Variants in AVEN observed in about 807,000 individuals in gnomAD.
AVEN encodes the protein apoptosis and caspase activation inhibitor, also known as cell death regulator Aven.
In AVEN, 41 loss-of-function variants were observed where a neutral mutation model predicts 38.1. The ratio of observed to expected loss-of-function variants is 1.08; its 90% confidence interval spans 0.84 to 1.40. The LOEUF (loss-of-function observed/expected upper bound fraction) is 1.40, where lower values mean the gene tolerates loss of function less well. Ranked by LOEUF, AVEN falls within the 40% of genes most tolerant of loss-of-function variation. AVEN has a pLI of 0.00. For synonymous variants in AVEN, 206 were observed against 171.8 expected (o/e 1.20, Z -1.56); for missense variants, 605 against 438.8 (o/e 1.38, Z -3.38).
intron 4 of AVEN, among the ~76,000 whole-genome samples, chr15:33,870,391 G>C (rs374290662): frequency 6.6e-6 from 1 of 152,100 alleles, no homozygotes; most frequent in East Asian, 1.9e-4. Flanking sequence ...GGTCTTTCTC[G>C]TTTAAATGCC....
At position 33,896,377 on chromosome 15, in the gene AVEN, C is replaced by G. The variant is rs111780829; in HGVS notation, c.446-20382G>C. On this transcript the variant is annotated intron_variant, in intron 2 of 5. Transcript: ENST00000306730. Reference sequence around the variant, plus strand: ...AATACAATCTGGCACCCATCGAATTCTCCAGGCGTCAGTTCTCTCCCTTAC... The same window carrying G: ...AATACAATCTGGCACCCATCGAATTGTCCAGGCGTCAGTTCTCTCCCTTAC... Among the ~76,000 whole-genome samples the G allele has an allele frequency of 3.0e-3, 463 of 152,300 alleles. 5 individuals are homozygous for G. The highest frequency in any genetic ancestry group is 0.011 in the African/African-American group (446 of 41,552).
chr15:33,864,083 C>A (rs11072759), downstream of AVEN: 9 of 1,332,526 alleles, frequency 6.8e-6, no homozygotes, highest in African/African-American at 4.5e-5. Context: ...TTAATCCATG[C>A]GAATGAACTT....
downstream of AVEN, chr15:33,855,031 C>G: frequency 1.9e-6 from 2 of 1,041,644 alleles, no homozygotes; most frequent in Non-Finnish European, 2.6e-6. Flanking sequence ...ATGTACTTTT[C>G]TTGGCCAAAC....
At chr15:33,963,249 A>G (rs1006822771) in intron 2 of AVEN, among the ~76,000 whole-genome samples, 1 of 152,216 alleles carries the variant, frequency 6.6e-6, no homozygotes, top group African/African-American at 2.4e-5. Flanking sequence ...TGCATGGGTT[A>G]ATCAGAATAT....
chr15:33,958,306 A>C (rs989146820), intron 2 of AVEN, among the ~76,000 whole-genome samples: 4 of 152,186 alleles, frequency 2.6e-5, no homozygotes, highest in African/African-American at 9.7e-5. Flanking sequence ...CTCGCCATGC[A>C]CTGTGGCTCA....
chr15:34,045,973 T>C (rs1899667068), intron 5 of AVEN, among the ~76,000 whole-genome samples: 1 of 152,178 alleles, frequency 6.6e-6, no homozygotes, highest in African/African-American at 2.4e-5. Context: ...TACTGCTCTC[T>C]CTTAATGCTG....
chr15:33,915,813 C>T (rs1200948889), intron 2 of AVEN, among the ~76,000 whole-genome samples: 4 of 152,094 alleles, frequency 2.6e-5, no homozygotes, highest in Admixed American at 6.5e-5. Flanking sequence ...TGCTCACCCG[C>T]GGCCTGGAAA....
chr15:33,875,436 G>A (rs1891178375), intron 3 of AVEN, among the ~76,000 whole-genome samples: 2 of 152,066 alleles, frequency 1.3e-5, no homozygotes, highest in Non-Finnish European at 2.9e-5. Flanking sequence ...AGGCATTTGG[G>A]GTTGAGAGAC....
At chr15:33,957,802 T>C (rs1047037499) in intron 2 of AVEN, among the ~76,000 whole-genome samples, 1 of 151,562 alleles carries the variant, frequency 6.6e-6, no homozygotes. Context: ...CTAATCACAG[T>C]GCTAGAAATC....
At chr15:34,010,084 TAA>T (rs1897571499) in intron 1 of AVEN, among the ~76,000 whole-genome samples, 1 of 152,082 alleles carries the variant, frequency 6.6e-6, no homozygotes, top group Admixed American at 6.5e-5. Flanking sequence ...AGTTTAACAA[TAA>T]TAGTTAGAAA....
exon 1 of AVEN, among the ~76,000 whole-genome samples, chr15:34,074,734 G>T (rs627167): frequency 0.6 from 91,451 of 151,982 alleles, 28,751 homozygotes; most frequent in East Asian, 0.77. Context: ...TATTTCCAAA[G>T]ACAGTCACAT....
intron 2 of AVEN, among the ~76,000 whole-genome samples, chr15:34,001,233 G>A (rs1897126988): frequency 6.6e-6 from 1 of 151,800 alleles, no homozygotes; most frequent in African/African-American, 2.4e-5. Flanking sequence ...TGTTGGCCAG[G>A]ATGGTCTCGA....
At chr15:33,923,813 C>A (rs758877698) in intron 2 of AVEN, among the ~76,000 whole-genome samples, 1 of 151,786 alleles carries the variant, frequency 6.6e-6, no homozygotes, top group South Asian at 2.1e-4. Flanking sequence ...CCCATTCTCA[C>A]AAGAGCACAA....
intron 1 of AVEN, among the ~76,000 whole-genome samples, chr15:34,071,949 T>A (rs142736042): frequency 0.018 from 2,667 of 152,260 alleles, 78 homozygotes; most frequent in African/African-American, 0.061. Context: ...CTATATGTAA[T>A]AATATAGTCA....
intron 2 of AVEN, among the ~76,000 whole-genome samples, chr15:33,889,909 T>C (rs1232685479): frequency 6.6e-6 from 1 of 152,182 alleles, no homozygotes; most frequent in Non-Finnish European, 1.5e-5. Flanking sequence ...CTGAAAATGA[T>C]GTGCAAACAA....
At chr15:34,022,770 C>A (rs1339284844) in intron 1 of AVEN, among the ~76,000 whole-genome samples, 1 of 152,240 alleles carries the variant, frequency 6.6e-6, no homozygotes, top group Non-Finnish European at 1.5e-5. Flanking sequence ...CACACACACA[C>A]TCTCCAGCTT....
intron 2 of AVEN, among the ~76,000 whole-genome samples, chr15:33,983,001 A>G (rs1251903756): frequency 1.3e-5 from 2 of 149,834 alleles, no homozygotes; most frequent in East Asian, 2.0e-4. Context: ...TCTTAACTGC[A>G]TGGACCATGA....
At chr15:34,064,146 T>A (rs775687892) in intron 4 of AVEN, 13 of 1,614,230 alleles carry the variant, frequency 8.1e-6, no homozygotes, top group Non-Finnish European at 1.1e-5. Context: ...AGTCACCCTG[T>A]GGCACTTGGG....
At chr15:33,868,713 G>C (rs1311832836) in intron 4 of AVEN, among the ~76,000 whole-genome samples, 2 of 152,164 alleles carry the variant, frequency 1.3e-5, no homozygotes, top group African/African-American at 4.8e-5. Context: ...GATTGTATTT[G>C]TAAAAAGTTC....
Sources: gnomAD v4.1 joint callset for allele counts (sites outside exome capture counted in the v4.1 genomes callset) on GRCh38, gnomAD v4.1.1 for gene constraint, MANE v1.5 for transcripts, NCBI Gene and HGNC (gene_info 2026-07-23, HGNC 2026-07-21) for gene names.